The following TMPRSS15 variants were observed in gnomAD, a reference collection of about 807,000 sequenced individuals.
TMPRSS15 encodes the protein enteropeptidase.
TMPRSS15 carries 128 observed loss-of-function variants against 125.3 expected under a neutral mutation model. The observed-to-expected ratio is 1.02, with a 90% CI of 0.89 to 1.18. TMPRSS15 has a LOEUF of 1.18. TMPRSS15 is among the 50% of genes most tolerant of loss of function. TMPRSS15 has a pLI of 0.00. For synonymous variants in TMPRSS15, 446 were observed against 423.2 expected, an observed-to-expected ratio of 1.05 and a Z score of -0.66; for missense variants, 1,283 against 1,212.7, an observed-to-expected ratio of 1.06 and a Z score of -0.86.
chr21:18,397,923 G>T lies in TMPRSS15; in HGVS notation c.300C>A (p.Ser100Arg). Residue 100 changes from serine to arginine, a missense_variant, in exon 3 of 25, where the codon AGC becomes AGA. Physicochemically the swap from Ser to Arg is moderately radical, Grantham distance 110. Coordinates refer to ENST00000284885, the MANE Select transcript of TMPRSS15 (RefSeq NM_002772.3). Reference sequence around the variant, plus strand: ...AGTTCTTATATTCATTCTTCAGATTGCTTGATAGAAAGATCTCATCTATCT... The same window carrying T: ...AGTTCTTATATTCATTCTTCAGATTTCTTGATAGAAAGATCTCATCTATCT... ...QQMIDEIFLS[S>R]NLKNEYKNSR... is the part of the protein sequence containing the mutation. 1.3e-6 allele frequency: 2 copies of T among 1,545,746 alleles called. No homozygotes were observed. Among genetic ancestry groups the T allele is most frequent in the Non-Finnish European group, 1.8e-6 (2 of 1,127,802 alleles).
intron 1 of TMPRSS15, among the ~76,000 whole-genome samples, chr21:18,456,346 C>A (rs1038602082): frequency 1.6e-4 from 24 of 152,044 alleles, no homozygotes; most frequent in Non-Finnish European, 2.8e-4. Flanking sequence ...TTATTTTTAT[C>A]TAAGAAGTGA....
chr21:18,418,992 G>A (rs544838951), intron 1 of TMPRSS15, among the ~76,000 whole-genome samples: 2 of 152,226 alleles, frequency 1.3e-5, no homozygotes, highest in African/African-American at 2.4e-5. Context: ...GTTGAGCCAG[G>A]GGGAAAAATC....
chr21:18,365,743 CTTTTTTTTT>C (rs36165986), intron 6 of TMPRSS15, among the ~76,000 whole-genome samples: 1 of 83,842 alleles, frequency 1.2e-5, no homozygotes, highest in African/African-American at 4.7e-5. Context: ...CTCTTTTTTC[CTTTTTTTTT>C]TTTTTTTTGA....
chr21:18,363,340 A>G (rs1039964642), intron 7 of TMPRSS15, among the ~76,000 whole-genome samples: 7 of 152,138 alleles, frequency 4.6e-5, no homozygotes, highest in Admixed American at 3.3e-4. Flanking sequence ...AAAGAAACTA[A>G]AAACAATAGG....
intron 21 of TMPRSS15, among the ~76,000 whole-genome samples, chr21:18,284,094 T>G (rs1392152728): frequency 6.6e-6 from 1 of 152,236 alleles, no homozygotes; most frequent in African/African-American, 2.4e-5. Flanking sequence ...CTCTCTTTCA[T>G]GTTTTTATTA....
At chr21:18,295,014 T>C (rs2074885684) in intron 19 of TMPRSS15, among the ~76,000 whole-genome samples, 1 of 152,202 alleles carries the variant, frequency 6.6e-6, no homozygotes, top group Non-Finnish European at 1.5e-5. Flanking sequence ...ATTCTATAAA[T>C]GATAGATATT....
At chr21:18,443,342 G>A (rs1174855799) in intron 1 of TMPRSS15, among the ~76,000 whole-genome samples, 1 of 152,074 alleles carries the variant, frequency 6.6e-6, no homozygotes, top group African/African-American at 2.4e-5. Flanking sequence ...GAAGAGTGAA[G>A]CTGGCACCAG....
At chr21:18,345,748 A>AAAAAAAAAAAAAAAAAAAAAAC (rs2075501280) in intron 10 of TMPRSS15, among the ~76,000 whole-genome samples, 1 of 141,866 alleles carries the variant, frequency 7.0e-6, no homozygotes, top group Admixed American at 7.1e-5. Context: ...CTCAAAAAAA[A>AAAAAAAAAAAAAAAAAAAAAAC]AAAAAAAAAA....
chr21:18,285,415 C>T lies in TMPRSS15; in HGVS notation c.2487-4194G>A, dbSNP rs557386587. ...AAATAAAATCAATGGGAATCCAAAA[C>T]TGTAAATTAAAACCTTTTTCCTGTT... On this transcript the variant is annotated intron_variant, in intron 21 of 24. Transcript: ENST00000284885. Among the ~76,000 whole-genome samples, 142 of 152,216 alleles carry T rather than the reference C, an allele frequency of 9.3e-4. 1 individual carries two copies. The highest frequency in any genetic ancestry group is 1.2e-3 in the Non-Finnish European group (79 of 68,036).
intron 1 of TMPRSS15, among the ~76,000 whole-genome samples, chr21:18,448,289 A>T (rs2076259775): frequency 6.6e-6 from 1 of 152,158 alleles, no homozygotes; most frequent in African/African-American, 2.4e-5. Flanking sequence ...TGTCTAATTG[A>T]TGTTACAAAT....
chr21:18,383,512 G>T, intron 4 of TMPRSS15, 115 bp downstream of exon 4: 1 of 1,215,570 alleles, frequency 8.2e-7, no homozygotes, highest in Non-Finnish European at 1.2e-6. Flanking sequence ...GTCACCTCAG[G>T]CAATAAGACA....
At chr21:18,462,433 C>T (rs2123275888) in intron 1 of TMPRSS15, among the ~76,000 whole-genome samples, 1 of 151,932 alleles carries the variant, frequency 6.6e-6, no homozygotes, top group South Asian at 2.1e-4. Flanking sequence ...GGGTATATTA[C>T]ACCTAGAAGA....
intron 3 of TMPRSS15, among the ~76,000 whole-genome samples, chr21:18,390,427 T>C (rs2075981007): frequency 6.6e-6 from 1 of 152,204 alleles, no homozygotes; most frequent in African/African-American, 2.4e-5. Context: ...ATTATGTTAA[T>C]AACAGCTGCT....
chr21:18,306,924 A>T (rs1033281962), intron 18 of TMPRSS15, among the ~76,000 whole-genome samples: 8 of 152,184 alleles, frequency 5.3e-5, no homozygotes, highest in African/African-American at 1.9e-4. Context: ...TAATATAAAA[A>T]AAGGAAAGGC....
rs75868963 is a variant in TMPRSS15, at chr21:18,476,296, T to C, written c.10+9503A>G. ...ACAAGAAAAGATACATTTACTCCAA[T>C]TTTTAGCATGTGTTATTTTATGACC... On this transcript the variant is annotated intron_variant, in intron 1 of 7. Coordinates refer to the TMPRSS15 transcript ENST00000422787. Among the ~76,000 whole-genome samples the C allele has an allele frequency of 7.4e-4, 113 of 152,282 alleles. 1 individual carries two copies. Among genetic ancestry groups the C allele is most frequent in the African/African-American group, 2.6e-3 (108 of 41,580 alleles).
intron 1 of TMPRSS15, among the ~76,000 whole-genome samples, chr21:18,470,359 T>C (rs1978753996): frequency 6.6e-6 from 1 of 151,978 alleles, no homozygotes; most frequent in Admixed American, 6.6e-5. Flanking sequence ...TCCCTGTCCT[T>C]GCAAACTGTC....
intron 1 of TMPRSS15, among the ~76,000 whole-genome samples, chr21:18,417,522 G>A (rs2076183112): frequency 1.3e-5 from 2 of 152,084 alleles, no homozygotes; most frequent in South Asian, 2.1e-4. Context: ...AAGAAGATAC[G>A]TTTTGAAACA....
At chr21:18,294,471 T>G (rs754354437) in intron 20 of TMPRSS15, 27 bp from the exon 21 acceptor site, 5 of 1,613,958 alleles carry the variant, frequency 3.1e-6, no homozygotes, top group Non-Finnish European at 4.2e-6. Flanking sequence ...AGAAAGAGCA[T>G]CTATTTCATT....
intron 1 of TMPRSS15, among the ~76,000 whole-genome samples, chr21:18,433,811 G>A (rs974668854): frequency 2.0e-5 from 3 of 151,914 alleles, no homozygotes; most frequent in African/African-American, 7.3e-5. Flanking sequence ...ATGTTATGAT[G>A]AGTAGTTTGT....
Sources: allele counts gnomAD v4.1 joint callset (sites outside exome capture counted in the v4.1 genomes callset), GRCh38; gene constraint gnomAD v4.1.1; transcripts MANE v1.5; gene names NCBI Gene and HGNC (gene_info 2026-07-23, HGNC 2026-07-21).